Variants in GALNTL6 observed in about 807,000 individuals in gnomAD.
GALNTL6 encodes polypeptide N-acetylgalactosaminyltransferase-like 6.
GALNTL6 carries 46 observed loss-of-function variants against 73.7 expected under a neutral mutation model. The ratio of observed to expected loss-of-function variants is 0.62; its 90% confidence interval spans 0.49 to 0.80. GALNTL6 has a LOEUF of 0.80. GALNTL6 is among the 30% of genes least tolerant of loss of function. The probability of loss-of-function intolerance (pLI) is 0.00; values close to 1 mark genes in which losing one functional copy is unlikely to be tolerated. For synonymous variants in GALNTL6, 259 were observed against 263.7 expected, an observed-to-expected ratio of 0.98 and a Z score of 0.17; for missense variants, 604 against 755.0, an observed-to-expected ratio of 0.80 and a Z score of 2.34.
chr4:172,597,781 G>T (rs1191036739), intron 5 of GALNTL6, among the ~76,000 whole-genome samples: 1 of 152,094 alleles, frequency 6.6e-6, no homozygotes, highest in Non-Finnish European at 1.5e-5. Context: ...ACATCAATAG[G>T]ATTATTTGAG....
At chr4:172,295,488 T>G (rs181531881) in intron 3 of GALNTL6, among the ~76,000 whole-genome samples, 1 of 149,954 alleles carries the variant, frequency 6.7e-6, no homozygotes, top group African/African-American at 2.4e-5. Flanking sequence ...CTAGTTATTA[T>G]CCCCGCATGG....
At chr4:172,430,105 G>T (rs1463307764) in intron 5 of GALNTL6, among the ~76,000 whole-genome samples, 1 of 151,812 alleles carries the variant, frequency 6.6e-6, no homozygotes, top group African/African-American at 2.4e-5. Flanking sequence ...ATATATATCT[G>T]TGAAGTGAAA....
At chr4:172,249,981 C>T (rs909352716) in intron 3 of GALNTL6, among the ~76,000 whole-genome samples, 2 of 152,126 alleles carry the variant, frequency 1.3e-5, no homozygotes, top group African/African-American at 4.8e-5. Context: ...AGAGGGCCAC[C>T]ATCCTCCAGA....
At chr4:172,228,695 G>GA (rs1303491374) in intron 2 of GALNTL6, among the ~76,000 whole-genome samples, 1 of 151,710 alleles carries the variant, frequency 6.6e-6, no homozygotes, top group Non-Finnish European at 1.5e-5. Flanking sequence ...ACTTATTTCT[G>GA]AAAAAGAACA....
At chr4:172,065,749 C>T (rs1731341049) in intron 2 of GALNTL6, among the ~76,000 whole-genome samples, 2 of 152,130 alleles carry the variant, frequency 1.3e-5, no homozygotes, top group Admixed American at 6.5e-5. Flanking sequence ...AATTGATTCA[C>T]GGTTCCGCAA....
chr4:171,979,072 T>C (rs1308798766), intron 2 of GALNTL6, among the ~76,000 whole-genome samples: 2 of 152,162 alleles, frequency 1.3e-5, no homozygotes, highest in Non-Finnish European at 2.9e-5. Flanking sequence ...GTCACTTTGC[T>C]TACTTCACCT....
Position 172,909,245 on chromosome 4 carries a change from A to G in GALNTL6, c.1042-21916A>G, listed in dbSNP as rs558130615. The stretch of plus-strand genomic sequence containing the variant: ...AATCATTTTAAGCATTAAAAATGAC[A>G]AAAAATATAATTACAAAAGTTACAC... On this transcript the variant is annotated intron_variant, in intron 8 of 12. Coordinates refer to ENST00000506823, the MANE Select transcript of GALNTL6 (RefSeq NM_001034845.3). Among the ~76,000 whole-genome samples the G allele has an allele frequency of 4.1e-3, 626 of 151,964 alleles. 1 individual carries two copies. Among genetic ancestry groups the G allele is most frequent in the Middle Eastern group, 6.8e-3 (2 of 294 alleles).
At chr4:172,529,890 T>C (rs1401381282) in intron 5 of GALNTL6, among the ~76,000 whole-genome samples, 1 of 149,992 alleles carries the variant, frequency 6.7e-6, no homozygotes, top group South Asian at 2.1e-4. Flanking sequence ...TTTATTTATT[T>C]ATTTATTTAT....
At chr4:171,870,326 G>A (rs1260802121) in intron 2 of GALNTL6, among the ~76,000 whole-genome samples, 1 of 152,080 alleles carries the variant, frequency 6.6e-6, no homozygotes, top group Admixed American at 6.6e-5. Context: ...CTTTCTGTTT[G>A]CTGGAATGCA....
At chr4:172,064,359 G>C (rs1043018991) in intron 2 of GALNTL6, among the ~76,000 whole-genome samples, 1 of 152,174 alleles carries the variant, frequency 6.6e-6, no homozygotes, top group Non-Finnish European at 1.5e-5. Flanking sequence ...AACCATTAAA[G>C]TTAATGTCTG....
At chr4:171,938,873 G>T (rs1444509890) in intron 2 of GALNTL6, among the ~76,000 whole-genome samples, 3 of 152,126 alleles carry the variant, frequency 2.0e-5, no homozygotes, top group Admixed American at 1.3e-4. Flanking sequence ...GGCTGCAGAA[G>T]TAGCAACTAA....
At chr4:171,917,230 A>C (rs1410106247) in intron 2 of GALNTL6, among the ~76,000 whole-genome samples, 2 of 151,928 alleles carry the variant, frequency 1.3e-5, no homozygotes, top group African/African-American at 4.8e-5. Flanking sequence ...TTCCAGACAT[A>C]TCTATTGTCC....
Position 172,853,087 on chromosome 4 carries a change from G to T in GALNTL6, c.924-29703G>T, listed in dbSNP as rs563811751. 3.9e-5 allele frequency among the ~76,000 whole-genome samples: 6 copies of T among 152,288 alleles called. No individual in the cohort carries two copies. The South Asian group carries it at 1.2e-3, about 32-fold the overall frequency. ...CATGGTTTCTGCAGGTCAGGAGTCT[G>T]AGCACATCTTAATGGGATGCCCCGC... is the stretch of plus-strand genomic sequence containing the variant. On this transcript the variant is annotated intron_variant, in intron 7 of 12. Coordinates refer to ENST00000506823, the MANE Select transcript of GALNTL6 (RefSeq NM_001034845.3).
chr4:172,708,960 T>C (rs1418196374), intron 5 of GALNTL6, among the ~76,000 whole-genome samples: 1 of 152,190 alleles, frequency 6.6e-6, no homozygotes, highest in East Asian at 1.9e-4. Flanking sequence ...TATCTTTTTC[T>C]GGAGAAAAAA....
intron 10 of GALNTL6, among the ~76,000 whole-genome samples, chr4:173,007,490 T>C: frequency 1.3e-5 from 2 of 152,278 alleles, no homozygotes; most frequent in Admixed American, 1.3e-4. Context: ...TCAGGAAGAT[T>C]GGCGAAACCT....
intron 5 of GALNTL6, among the ~76,000 whole-genome samples, chr4:172,697,141 T>C (rs1437833): frequency 0.43 from 64,598 of 151,874 alleles, 15,921 homozygotes; most frequent in East Asian, 0.68. Flanking sequence ...ATTTTCCAAA[T>C]GCCTTTTTTA....
At chr4:172,369,668 G>T (rs1373548382) in intron 5 of GALNTL6, among the ~76,000 whole-genome samples, 10 of 152,204 alleles carry the variant, frequency 6.6e-5, no homozygotes, top group Non-Finnish European at 7.4e-5. Context: ...GGGCAGGCCG[G>T]CAGTGCTGGG....
At chr4:172,037,820 A>T (rs527905505) in intron 2 of GALNTL6, among the ~76,000 whole-genome samples, 1 of 148,560 alleles carries the variant, frequency 6.7e-6, no homozygotes, top group African/African-American at 2.4e-5. Context: ...ACTTAACTTT[A>T]AAAAAAAATT....
intron 8 of GALNTL6, among the ~76,000 whole-genome samples, chr4:172,918,396 AT>A (rs1747638710): frequency 1.3e-5 from 2 of 152,098 alleles, no homozygotes; most frequent in Admixed American, 6.5e-5. Context: ...TTTAAAAAAA[AT>A]AAAATAAAAT....
Sources: gnomAD v4.1 joint callset for allele counts (sites outside exome capture counted in the v4.1 genomes callset) on GRCh38, gnomAD v4.1.1 for gene constraint, MANE v1.5 for transcripts, NCBI Gene and HGNC (gene_info 2026-07-23, HGNC 2026-07-21) for gene names.